Variants in FERMT3 observed in about 807,000 individuals in gnomAD.
The protein encoded by FERMT3 is fermitin family homolog 3.
Under a neutral mutation model 80.8 loss-of-function variants are expected in FERMT3, and 33 were observed. That is an observed-to-expected ratio of 0.41 (90% CI 0.31 to 0.55). The LOEUF is 0.55. Ranked by LOEUF, FERMT3 falls within the 20% of genes least tolerant of loss-of-function variation. FERMT3 has a pLI of 0.31. For synonymous variants in FERMT3, 375 were observed against 372.2 expected, an observed-to-expected ratio of 1.01 and a Z score of -0.09; for missense variants, 754 against 908.7, an observed-to-expected ratio of 0.83 and a Z score of 2.19.
Position 64,210,782 on chromosome 11 carries a change from G to A in FERMT3, c.332G>A (p.Arg111His), listed in dbSNP as rs145419469. The A allele has an allele frequency of 9.5e-4, 1,539 of 1,613,992 alleles. 1 individual carries two copies. Among genetic ancestry groups the A allele is most frequent in the Middle Eastern group, 1.6e-3 (10 of 6,062 alleles). ...CGGTTGCCCAACCGCCGCGCACTGC[G>A]CCTCCGTGCCAGCTTCTCCCAGCCC... Reference protein sequence around the residue: ...ILRLPNRRALRLRASFSQPLF... With the variant: ...ILRLPNRRALHLRASFSQPLF... The change falls in exon 3 of 15, where the codon CGC (arginine) becomes CAC (histidine). Residue 111 changes from arginine (R) to histidine (H), a missense_variant. Physicochemically the swap from Arg to His is conservative, Grantham distance 29 (BLOSUM62 0). Transcript: ENST00000345728. This position sits in a 1 kb window ranked among gnomAD's most constrained non-coding sequence, Gnocchi z 4.3.
At position 64,221,095 on chromosome 11, in the gene FERMT3, C is replaced by A; in HGVS notation, c.1625C>A (p.Ala542Asp). Residue 542 changes from alanine to aspartate, a missense_variant, in exon 13 of 15, where the codon GCC becomes GAC. By Grantham distance (126) the Ala-to-Asp change is moderately radical. Transcript: ENST00000345728. ...GAGGCCCAGCTGCGCTTCATCCAGG[C>A]CTGGCAGTCCCTGCCCGACTTCGGC... Reference protein sequence around the residue: ...LAEAQLRFIQAWQSLPDFGIS... With the variant: ...LAEAQLRFIQDWQSLPDFGIS... 6.2e-7 allele frequency: 1 copy of A among 1,611,806 alleles called. No individual in the cohort carries two copies. The highest frequency in any genetic ancestry group is 8.5e-7 in the Non-Finnish European group (1 of 1,180,020).
In FERMT3 at chr11:64,221,063, G is replaced by A. The variant is rs768419260; in HGVS notation, c.1593G>A (p.Ser531=). 20 of 1,612,410 alleles carry A rather than the reference G, an allele frequency of 1.2e-5. No homozygotes were observed. The highest frequency in any genetic ancestry group is 1.7e-5 in the Admixed American group (1 of 59,998). The part of the protein sequence containing the change: ...LEAHQNVAQL[S]LAEAQLRFIQ... ...CCCACCAGAATGTGGCCCAGTTGTC[G>A]CTGGCAGAGGCCCAGCTGCGCTTCA... Residue 531 remains serine (S), a synonymous_variant, in exon 13 of 15, where the codon TCG becomes TCA. Transcript: ENST00000345728.
intron 6 of FERMT3, among the ~76,000 whole-genome samples, chr11:64,214,774 G>C (rs1210227950): frequency 6.6e-6 from 1 of 150,604 alleles, no homozygotes; most frequent in Non-Finnish European, 1.5e-5. Flanking sequence ...TAAGTTCCAA[G>C]AGCTCTTGTT....
rs980396974 is a variant in FERMT3 at position 64,207,387 on chromosome 11, C to T, written c.23C>T (p.Ser8Phe). The T allele has an allele frequency of 3.7e-6, 6 of 1,614,064 alleles. No individual in the cohort carries two copies. The highest frequency in any genetic ancestry group is 5.1e-6 in the Non-Finnish European group (6 of 1,180,046). The change falls in exon 2 of 15, where the codon TCC becomes TTC. Residue 8 changes from serine to phenylalanine, a missense_variant. By Grantham distance (155) the Ser-to-Phe change is radical. Transcript: ENST00000345728. MAGMKTASGDYIDSSWEL... is the reference protein window; with the variant it reads MAGMKTAFGDYIDSSWEL... ...GCCATGGCGGGGATGAAGACAGCCT[C>T]CGGGGACTACATCGACTCGTCATGG...
chr11:64,223,118 G>A lies in FERMT3; in HGVS notation c.1741G>A (p.Val581Met), dbSNP rs767660746. ...NNRLIRIDLA[V>M]GDVVKTWRFS... ...CCGACTGATCCGCATCGACTTGGCC[G>A]TGGGCGACGTGGTCAAGACCTGGCG... Residue 581 changes from valine to methionine, a missense_variant, in exon 14 of 15, where the codon GTG becomes ATG. Physicochemically the swap from Val to Met is conservative, Grantham distance 21 (BLOSUM62 1). Transcript: ENST00000345728. The A allele has an allele frequency of 3.0e-5, 48 of 1,613,826 alleles. No individual in the cohort carries two copies. The highest frequency in any genetic ancestry group is 4.5e-5 in the East Asian group (2 of 44,892).
chr11:64,212,136 C>T (rs933301463), intron 6 of FERMT3, among the ~76,000 whole-genome samples: 2 of 152,142 alleles, frequency 1.3e-5, no homozygotes, highest in Non-Finnish European at 2.9e-5. Context: ...CTGGAGGGGG[C>T]ACCATTAGGG....
At chr11:64,218,862 C>G (rs1366476439) in intron 6 of FERMT3, among the ~76,000 whole-genome samples, 1 of 152,188 alleles carries the variant, frequency 6.6e-6, no homozygotes, top group African/African-American at 2.4e-5. Flanking sequence ...TCTGTCATCT[C>G]CATTGAACTT....
chr11:64,216,075 GC>G (rs1356864959), intron 6 of FERMT3, among the ~76,000 whole-genome samples: 6 of 151,462 alleles, frequency 4.0e-5, no homozygotes, highest in Admixed American at 2.6e-4. Context: ...CAAATGATCC[GC>G]CCGCCTCGGC....
intron 13 of FERMT3, among the ~76,000 whole-genome samples, chr11:64,222,513 C>T (rs1946722294): frequency 1.4e-5 from 2 of 145,608 alleles, no homozygotes; most frequent in African/African-American, 5.2e-5. Flanking sequence ...TGCAGTGAGC[C>T]GAGATCGAGC....
chr11:64,208,593 T>C (rs1946369187), intron 2 of FERMT3, among the ~76,000 whole-genome samples: 1 of 152,164 alleles, frequency 6.6e-6, no homozygotes, highest in African/African-American at 2.4e-5. Context: ...GACTGACCCA[T>C]GGGGGCTGCG....
In FERMT3 at chr11:64,211,784, A is replaced by G. The variant is rs368676745; in HGVS notation, c.786+37A>G. 8.8e-6 allele frequency: 14 copies of G among 1,599,290 alleles called. No homozygotes were observed. The highest frequency in any genetic ancestry group is 2.2e-5 in the East Asian group (1 of 44,790). ...CAGGGAGAAAGCGGGCCTCAGGTCCATGAGATGTGGAGACCTAGGGCCTGG... is the reference window on the plus strand; with the variant it reads ...CAGGGAGAAAGCGGGCCTCAGGTCCGTGAGATGTGGAGACCTAGGGCCTGG... On this transcript the variant is annotated intron_variant, in intron 6 of 14. Transcript: ENST00000345728. The surrounding 1 kb of genome is among the most constrained non-coding windows in gnomAD (Gnocchi z 4.7).
At chr11:64,216,525 G>A (rs1362675537) in intron 6 of FERMT3, among the ~76,000 whole-genome samples, 2 of 145,442 alleles carry the variant, frequency 1.4e-5, no homozygotes, top group African/African-American at 4.9e-5. Flanking sequence ...CGCCGGGCGC[G>A]GTGGCTCACG....
Position 64,211,538 on chromosome 11 carries a change from T to C in FERMT3, c.683+95T>C. 1 of 1,505,940 alleles carries C rather than the reference T, an allele frequency of 6.6e-7. No homozygotes were observed. Among genetic ancestry groups the C allele is most frequent in the African/African-American group, 1.4e-5 (1 of 72,550 alleles). The allele number at this position is 1,505,940 out of a possible 1,614,324, so 93.3% of individuals were successfully genotyped here. On this transcript the variant is annotated intron_variant, in intron 5 of 14. Coordinates refer to ENST00000345728, the MANE Select transcript of FERMT3 (RefSeq NM_031471.6). The surrounding 1 kb of genome is among the most constrained non-coding windows in gnomAD (Gnocchi z 4.7). ...GTGCCCACCCCAGATCCACACTTCG[T>C]TTCCAGGCCTTTTCTCTGTGTGTGC...
chr11:64,208,202 T>C (rs911468330), intron 2 of FERMT3, among the ~76,000 whole-genome samples: 1 of 152,014 alleles, frequency 6.6e-6, no homozygotes. Flanking sequence ...CAGGCCACCA[T>C]GTGCAGCACA....
chr11:64,214,758 T>C (rs962551775), intron 6 of FERMT3, among the ~76,000 whole-genome samples: 7 of 152,048 alleles, frequency 4.6e-5, no homozygotes, highest in Non-Finnish European at 1.0e-4. Flanking sequence ...TCTGTAACTA[T>C]ATTTTTAAGT....
At chr11:64,215,303 GA>G (rs1946526717) in intron 6 of FERMT3, among the ~76,000 whole-genome samples, 1 of 152,178 alleles carries the variant, frequency 6.6e-6, no homozygotes. Context: ...TAATAAAGTT[GA>G]GTCCCTTTTC....
rs185724590 is a variant in FERMT3, at chr11:64,220,086, C to T, written c.1204+71C>T. ...GGGCTAGGCAGGTGAATGCTCTCAC[C>T]GGCCCTGTTTCCTCCTGGAGACCGG... is the stretch of plus-strand genomic sequence containing the variant. On this transcript the variant is annotated intron_variant, in intron 10 of 14. Coordinates refer to ENST00000345728, the MANE Select transcript of FERMT3 (RefSeq NM_031471.6). 154 of 1,596,806 alleles carry T rather than the reference C, an allele frequency of 9.6e-5. 1 individual carries two copies. In the East Asian group the frequency reaches 1.6e-3, roughly 17 times the overall value.
intron 6 of FERMT3, among the ~76,000 whole-genome samples, chr11:64,218,161 G>A (rs561912119): frequency 5.9e-5 from 9 of 151,656 alleles, no homozygotes; most frequent in Non-Finnish European, 7.4e-5. Flanking sequence ...CCGCCACCAC[G>A]CCTGGCTAAT....
At chr11:64,214,272 G>A (rs1332234442) in intron 6 of FERMT3, among the ~76,000 whole-genome samples, 3 of 148,230 alleles carry the variant, frequency 2.0e-5, no homozygotes, top group Admixed American at 7.0e-5. Flanking sequence ...GGATTCAAGC[G>A]ATCTCCTGCT....
Sources: allele counts gnomAD v4.1 joint callset (sites outside exome capture counted in the v4.1 genomes callset), GRCh38; gene constraint gnomAD v4.1.1; non-coding constraint Gnocchi (gnomAD v3.1); transcripts MANE v1.5; gene names NCBI Gene and HGNC (gene_info 2026-07-23, HGNC 2026-07-21).